GRAMD2B: variants seen among roughly 807,000 people sequenced by gnomAD.
GRAMD2B encodes GRAM domain-containing protein 2B.
In GRAMD2B, 41 loss-of-function variants were observed where a neutral mutation model predicts 59.2. That is an observed-to-expected ratio of 0.69 (90% CI 0.54 to 0.90). The LOEUF (loss-of-function observed/expected upper bound fraction) is 0.90. Among genes scored for constraint, GRAMD2B ranks in the 40% least tolerant of loss-of-function variants. The probability of loss-of-function intolerance (pLI) is 0.00; values close to 1 mark genes in which losing one functional copy is unlikely to be tolerated. For synonymous variants in GRAMD2B, 161 were observed against 182.7 expected, an observed-to-expected ratio of 0.88 and a Z score of 0.96; for missense variants, 424 against 500.5, an observed-to-expected ratio of 0.85 and a Z score of 1.46.
At chr5:126,406,533 C>T (rs1289316955) in intron 1 of GRAMD2B, among the ~76,000 whole-genome samples, 1 of 151,810 alleles carries the variant, frequency 6.6e-6, no homozygotes, top group East Asian at 1.9e-4. Context: ...TCTCAGTCTA[C>T]AGCCCCAAGG....
Position 126,465,499 on chromosome 5 carries a change from T to C in GRAMD2B, c.157T>C (p.Ser53Pro). 6.2e-7 allele frequency: 1 copy of C among 1,614,088 alleles called. No homozygotes were observed. The highest frequency in any genetic ancestry group is 1.3e-5 in the African/African-American group (1 of 75,018). Residue 53 changes from serine (S) to proline (P), a missense_variant, in exon 2 of 14, where the codon TCT becomes CCT. Coordinates refer to ENST00000285689, the MANE Select transcript of GRAMD2B (RefSeq NM_023927.4). ...GCCAACAGCCCAATCCCCTACCCCA[T>C]CTGTGGAGGCGGACTCCCCAGACCA... ...RSPTAQSPTP[S>P]VEADSPDQKK...
At chr5:126,371,435 A>G in exon 1 of GRAMD2B, 2 of 1,282,484 alleles carry the variant, frequency 1.6e-6, no homozygotes, top group Non-Finnish European at 2.0e-6. Context: ...CGGGTCAATA[A>G]GCGCACAATG....
rs142811906 is a variant in GRAMD2B at position 126,449,924 on chromosome 5, G to C, written c.84-15502G>C. Among the ~76,000 whole-genome samples the C allele has an allele frequency of 1.4e-3, 213 of 152,270 alleles. 2 individuals carry two copies. The highest frequency in any genetic ancestry group is 4.9e-3 in the African/African-American group (204 of 41,544). On this transcript the variant is annotated intron_variant, in intron 1 of 13. Coordinates refer to ENST00000285689, the MANE Select transcript of GRAMD2B (RefSeq NM_023927.4). The stretch of plus-strand genomic sequence containing the variant: ...CAGAACACAGGAGACTGAGGAAGTA[G>C]CAATGCAGAGTTTGAGTGAGGGAGA...
chr5:126,376,577 A>T (rs755425243), intron 1 of GRAMD2B, among the ~76,000 whole-genome samples: 8 of 152,214 alleles, frequency 5.3e-5, no homozygotes, highest in Non-Finnish European at 1.0e-4. Flanking sequence ...CTATGGCACC[A>T]GATGAACAGG....
chr5:126,379,092 G>T (rs1170608370), intron 1 of GRAMD2B, among the ~76,000 whole-genome samples: 2 of 150,466 alleles, frequency 1.3e-5, no homozygotes, highest in African/African-American at 4.9e-5. Context: ...AGAGTCCATT[G>T]TATCATTCTT....
intron 11 of GRAMD2B, 108 bp downstream of exon 11, chr5:126,485,881 G>T (rs1772816037): frequency 1.5e-6 from 1 of 665,466 alleles, no homozygotes; most frequent in African/African-American, 1.9e-5. Flanking sequence ...TGTCTGAAAT[G>T]TGACCTACAT....
At chr5:126,413,304 C>G (rs1758979334) in intron 1 of GRAMD2B, among the ~76,000 whole-genome samples, 1 of 151,970 alleles carries the variant, frequency 6.6e-6, no homozygotes, top group Non-Finnish European at 1.5e-5. Flanking sequence ...TATGTTGTGT[C>G]TCTGTTTTCA....
intron 2 of GRAMD2B, among the ~76,000 whole-genome samples, chr5:126,467,057 A>C (rs1768572378): frequency 6.6e-6 from 1 of 152,134 alleles, no homozygotes; most frequent in Non-Finnish European, 1.5e-5. Context: ...TGAGAGACTG[A>C]GGTGGGTGGA....
upstream of GRAMD2B, chr5:126,423,167 A>C: frequency 1.0e-6 from 1 of 998,048 alleles, no homozygotes; most frequent in Non-Finnish European, 1.2e-6. Flanking sequence ...GCTGCCCTCT[A>C]AAAATCCCCC....
intron 1 of GRAMD2B, among the ~76,000 whole-genome samples, chr5:126,385,354 A>G (rs940192014): frequency 6.6e-6 from 1 of 152,210 alleles, no homozygotes; most frequent in Non-Finnish European, 1.5e-5. Flanking sequence ...ATTACACAAC[A>G]AAAAGGATAC....
At chr5:126,492,763 A>T in intron 13 of GRAMD2B, 152 bp from the exon 14 acceptor site, 2 of 549,650 alleles carry the variant, frequency 3.6e-6, no homozygotes, top group Non-Finnish European at 6.6e-6. Context: ...TAGTCTATGA[A>T]AAAGCATCTA....
chr5:126,384,511 G>A (rs1755941888), intron 1 of GRAMD2B, among the ~76,000 whole-genome samples: 1 of 152,238 alleles, frequency 6.6e-6, no homozygotes, highest in Non-Finnish European at 1.5e-5. Flanking sequence ...CATAAGGGCA[G>A]GGTAATATTC....
intron 1 of GRAMD2B, among the ~76,000 whole-genome samples, chr5:126,379,412 T>A (rs1755472314): frequency 1.3e-5 from 2 of 152,192 alleles, no homozygotes; most frequent in Non-Finnish European, 2.9e-5. Flanking sequence ...TTCCTCTGGG[T>A]AGATACCCAG....
At chr5:126,458,232 C>G (rs558599684) in intron 1 of GRAMD2B, among the ~76,000 whole-genome samples, 3 of 152,078 alleles carry the variant, frequency 2.0e-5, no homozygotes, top group Non-Finnish European at 4.4e-5. Flanking sequence ...GTCAGGAGTT[C>G]AAGACCAGCC....
intron 1 of GRAMD2B, among the ~76,000 whole-genome samples, chr5:126,464,842 A>G (rs774286841): frequency 2.0e-5 from 3 of 152,198 alleles, no homozygotes; most frequent in Non-Finnish European, 2.9e-5. Context: ...CAAGTAAGAT[A>G]GATGCTAGCT....
At chr5:126,378,778 T>C (rs1755416186) in intron 1 of GRAMD2B, among the ~76,000 whole-genome samples, 1 of 152,234 alleles carries the variant, frequency 6.6e-6, no homozygotes, top group Admixed American at 6.5e-5. Context: ...TTTGAAAATA[T>C]TGGTAGGAAA....
intron 6 of GRAMD2B, 57 bp from the exon 7 acceptor site, chr5:126,480,399 A>C: frequency 7.8e-7 from 1 of 1,287,978 alleles, no homozygotes; most frequent in Non-Finnish European, 1.1e-6. Context: ...CTGAACTCTC[A>C]ACTCTCACTT....
intron 1 of GRAMD2B, among the ~76,000 whole-genome samples, chr5:126,380,966 C>T (rs561032595): frequency 1.3e-5 from 2 of 152,252 alleles, no homozygotes; most frequent in African/African-American, 4.8e-5. Context: ...AGTGGACATC[C>T]TTGTGCTGTC....
chr5:126,378,173 G>A (rs191576437), intron 1 of GRAMD2B, among the ~76,000 whole-genome samples: 58 of 152,000 alleles, frequency 3.8e-4, no homozygotes, highest in Non-Finnish European at 6.8e-4. Context: ...TCAAAACTGG[G>A]TTTGGATTTG....
Sources: gnomAD v4.1 joint callset for allele counts (sites outside exome capture counted in the v4.1 genomes callset) on GRCh38, gnomAD v4.1.1 for gene constraint, MANE v1.5 for transcripts, NCBI Gene and HGNC (gene_info 2026-07-23, HGNC 2026-07-21) for gene names.